Variants in COL6A3 observed in about 807,000 individuals in gnomAD.
The protein encoded by COL6A3 is collagen alpha-3(VI) chain.
In COL6A3, 137 loss-of-function variants were observed where a neutral mutation model predicts 274.1. That is an observed-to-expected ratio of 0.50 (90% CI 0.44 to 0.58). The LOEUF (loss-of-function observed/expected upper bound fraction) is 0.58, where lower values mean the gene tolerates loss of function less well. Ranked by LOEUF, COL6A3 falls within the 20% of genes least tolerant of loss-of-function variation. The pLI is 0.00. For synonymous variants in COL6A3, 1,650 were observed against 1,650.6 expected (o/e 1.00, Z 0.01); for missense variants, 3,950 against 4,124.9 (o/e 0.96, Z 1.16).
Position 237,334,730 on chromosome 2 carries a change from T to C in COL6A3, c.9125A>G (p.Asp3042Gly), listed in dbSNP as rs780156133. 4 of 1,614,060 alleles carry C rather than the reference T, an allele frequency of 2.5e-6. No individual in the cohort carries two copies. Among genetic ancestry groups the C allele is most frequent in the Non-Finnish European group, 3.4e-6 (4 of 1,180,012 alleles). The change falls in exon 41 of 44, where the codon GAC becomes GGC. Residue 3042 changes from aspartate to glycine, a missense_variant. By Grantham distance (94) the Asp-to-Gly change is moderately conservative. Transcript: ENST00000295550. ...LVLKQNLTVT[D>G]RVIGGLLAGQ... Reference sequence around the variant, plus strand: ...AGCGAGCAGGCCTCCAATGACGCGGTCCGTGACCGTGAGGTTCTGCTTCAG... The same window carrying C: ...AGCGAGCAGGCCTCCAATGACGCGGCCCGTGACCGTGAGGTTCTGCTTCAG...
chr2:237,351,041 G>T (rs1297012039), intron 27 of COL6A3, 89 bp downstream of exon 27: 2 of 1,267,440 alleles, frequency 1.6e-6, no homozygotes, highest in Non-Finnish European at 2.3e-6. Flanking sequence ...TGAAGAGGAG[G>T]GACAGACAGA....
intron 21 of COL6A3, 24 bp downstream of exon 21, chr2:237,358,497 A>G: frequency 6.2e-7 from 1 of 1,605,748 alleles, no homozygotes; most frequent in Non-Finnish European, 8.5e-7. Flanking sequence ...TCAGGTCTGA[A>G]ATCGTCAATA....
chr2:237,387,432 A>G (rs2078171283), intron 4 of COL6A3, 150 bp downstream of exon 4: 1 of 1,184,220 alleles, frequency 8.4e-7, no homozygotes, highest in East Asian at 2.5e-5. Context: ...CAAACATGAC[A>G]TCCAGGACCC....
rs1574949029 is a variant in COL6A3 at position 237,344,926 on chromosome 2, C to T, written c.7174+15G>A. Reference sequence around the variant, plus strand: ...GCTTCCTTTCCTTAGGAGAAAGTCACCAAAATCAACTTACCGTAACAGCAA... The same window carrying T: ...GCTTCCTTTCCTTAGGAGAAAGTCATCAAAATCAACTTACCGTAACAGCAA... On this transcript the variant is annotated intron_variant, in intron 35 of 43. Transcript: ENST00000295550. This position sits in a 1 kb window ranked among gnomAD's most constrained non-coding sequence, Gnocchi z 4.8. 6.2e-7 allele frequency: 1 copy of T among 1,613,982 alleles called. No homozygotes were observed. The highest frequency in any genetic ancestry group is 8.5e-7 in the Non-Finnish European group (1 of 1,180,024).
chr2:237,402,314 G>A (rs1219132600), intron 1 of COL6A3, among the ~76,000 whole-genome samples: 2 of 152,148 alleles, frequency 1.3e-5, no homozygotes, highest in Admixed American at 6.5e-5. Context: ...GTAGCACAAG[G>A]TGCGTATAGT....
At chr2:237,402,000 A>G (rs975647810) in intron 1 of COL6A3, among the ~76,000 whole-genome samples, 1 of 152,138 alleles carries the variant, frequency 6.6e-6, no homozygotes, top group Admixed American at 6.5e-5. Flanking sequence ...TATTATACTA[A>G]GTCTTATACA....
chr2:237,332,903 A>G (rs1700335201), intron 42 of COL6A3: 1 of 161,472 alleles, frequency 6.2e-6, no homozygotes, highest in East Asian at 1.6e-4. Context: ...CCAGTCACTA[A>G]CTTAGCATAG....
intron 31 of COL6A3, 57 bp from the exon 32 acceptor site, chr2:237,346,622 C>G (rs2077102483): frequency 6.7e-7 from 1 of 1,497,554 alleles, no homozygotes; most frequent in African/African-American, 1.4e-5. Context: ...GAATTTAAGG[C>G]TCCTATAGTT....
rs990631456 is a variant in COL6A3 at position 237,351,071 on chromosome 2, G to A, written c.6816+59C>T. 33 of 1,499,070 alleles carry A rather than the reference G, an allele frequency of 2.2e-5. No individual in the cohort carries two copies. The African/African-American group carries it at 4.3e-4, about 19-fold the overall frequency. 92.9% of individuals were successfully genotyped at this position (1,499,070 alleles called of 1,614,324 possible). A position where few individuals can be genotyped will look rare whatever the true frequency, so the allele number is the denominator to read the frequency against. Reference sequence around the variant, plus strand: ...GACAGACTGACCAAAGAGGGAGAGGGGCATGTGTGCCTGGCTGGTCCCTGT... The same window carrying A: ...GACAGACTGACCAAAGAGGGAGAGGAGCATGTGTGCCTGGCTGGTCCCTGT... On this transcript the variant is annotated intron_variant, in intron 27 of 43. Coordinates refer to ENST00000295550, the MANE Select transcript of COL6A3 (RefSeq NM_004369.4).
At position 237,345,607 on chromosome 2, in the gene COL6A3, G is replaced by A. The variant is rs80234426; in HGVS notation, c.7093-394C>T. Among the ~76,000 whole-genome samples the A allele has an allele frequency of 6.1e-3, 932 of 152,214 alleles. 13 individuals carry two copies. Among genetic ancestry groups the A allele is most frequent in the African/African-American group, 0.021 (875 of 41,522 alleles). ...TCATTGAGCTGCCCTGGCTCCCTCCGTGTCTAAAGCATCCCAGCTGAATTC... is the reference window on the plus strand; with the variant it reads ...TCATTGAGCTGCCCTGGCTCCCTCCATGTCTAAAGCATCCCAGCTGAATTC... On this transcript the variant is annotated intron_variant, in intron 32 of 43. Transcript: ENST00000295550.
Position 237,369,032 on chromosome 2 carries a change from G to A in COL6A3, c.4431C>T (p.Val1477=), listed in dbSNP as rs151289203. The A allele has an allele frequency of 1.9e-5, 31 of 1,614,162 alleles. No homozygotes were observed. The highest frequency in any genetic ancestry group is 2.5e-5 in the Non-Finnish European group (29 of 1,180,032). The part of the protein sequence containing the change: ...NIGPSKVRVG[V]VQFSNDVFPE... ...GGAAGACATCATTGCTGAACTGCACGACCCCAACTCTCACTTTACTGGGGC... is the reference window on the plus strand; with the variant it reads ...GGAAGACATCATTGCTGAACTGCACAACCCCAACTCTCACTTTACTGGGGC... The change falls in exon 10 of 44, where the codon GTC becomes GTT. Residue 1477 remains valine (V), a synonymous_variant. Coordinates refer to ENST00000295550, the MANE Select transcript of COL6A3 (RefSeq NM_004369.4).
At position 237,336,159 on chromosome 2, in the gene COL6A3, TG is replaced by T; in HGVS notation, c.8940del (p.Lys2981SerfsTer20). Reference sequence around the variant, plus strand: ...CCCATGGGCTTAGTGGTGGCTGGCTTGGTGGCAGCTGGTTTGGCTGCCTGTG... The same window carrying T: ...CCCATGGGCTTAGTGGTGGCTGGCTTGTGGCAGCTGGTTTGGCTGCCTGTG... ...PRPQAAKPAATKPATTKPMVK... is the reference protein window; with the variant it reads ...PRPQAAKPAAXKPATTKPMVK... On this transcript the variant is annotated frameshift_variant, in exon 40 of 44. Coordinates refer to ENST00000295550, the MANE Select transcript of COL6A3 (RefSeq NM_004369.4). LOFTEE classifies it high-confidence loss of function. 1 of 1,613,414 alleles carries T rather than the reference TG, an allele frequency of 6.2e-7. No homozygotes were observed.
intron 38 of COL6A3, among the ~76,000 whole-genome samples, chr2:237,340,210 G>T (rs57074977): frequency 2.0e-5 from 3 of 152,178 alleles, no homozygotes; most frequent in Non-Finnish European, 4.4e-5. Flanking sequence ...ACTAGGTGGC[G>T]CTTGGTCAAA....
At chr2:237,380,325 T>C (rs1000377460) in intron 5 of COL6A3, among the ~76,000 whole-genome samples, 3 of 152,244 alleles carry the variant, frequency 2.0e-5, no homozygotes, top group African/African-American at 4.8e-5. Context: ...CATAGATCTG[T>C]ATAATGTCTT....
Position 237,348,356 on chromosome 2 carries a change from C to T in COL6A3, c.6959G>A (p.Gly2320Glu). ...KGERGFPGYP[G>E]PKGNPGEPGL... Reference sequence around the variant, plus strand: ...CGACCAGGGATTATTTACCTTTGGTCCTGGGTATCCAGGGAATCCTCTTTC... The same window carrying T: ...CGACCAGGGATTATTTACCTTTGGTTCTGGGTATCCAGGGAATCCTCTTTC... Residue 2320 changes from glycine to glutamate, a missense_variant, in exon 30 of 44, where the codon GGA becomes GAA. By Grantham distance (98) the Gly-to-Glu change is moderately conservative. Coordinates refer to ENST00000295550, the MANE Select transcript of COL6A3 (RefSeq NM_004369.4). 1.2e-6 allele frequency: 2 copies of T among 1,608,924 alleles called. No individual in the cohort carries two copies. The highest frequency in any genetic ancestry group is 1.7e-6 in the Non-Finnish European group (2 of 1,175,332).
chr2:237,391,848 C>T (rs1027834874), intron 3 of COL6A3, among the ~76,000 whole-genome samples: 2 of 152,062 alleles, frequency 1.3e-5, no homozygotes, highest in African/African-American at 4.8e-5. Context: ...TGTTATTATC[C>T]CGATATTCCG....
chr2:237,335,965 G>A (rs560918318), intron 40 of COL6A3, among the ~76,000 whole-genome samples, 170 bp downstream of exon 40: 5 of 152,314 alleles, frequency 3.3e-5, no homozygotes, highest in African/African-American at 1.2e-4. Context: ...AGGATGGGGA[G>A]TGGGAGGCTG....
At chr2:237,339,383 G>A (rs2076936203) in intron 38 of COL6A3, among the ~76,000 whole-genome samples, 1 of 152,216 alleles carries the variant, frequency 6.6e-6, no homozygotes, top group Admixed American at 6.5e-5. Flanking sequence ...ACATGAGAGA[G>A]AAGACAGGGA....
At chr2:237,395,740 A>G (rs1028841714) in intron 2 of COL6A3, among the ~76,000 whole-genome samples, 2 of 152,204 alleles carry the variant, frequency 1.3e-5, no homozygotes, top group African/African-American at 4.8e-5. Context: ...AGCGAGGAGG[A>G]CTTGTGTAAA....
Sources: gnomAD v4.1 joint callset for allele counts (sites outside exome capture counted in the v4.1 genomes callset) on GRCh38, gnomAD v4.1.1 for gene constraint, Gnocchi (gnomAD v3.1) non-coding constraint, MANE v1.5 for transcripts, NCBI Gene and HGNC (gene_info 2026-07-23, HGNC 2026-07-21) for gene names.